The following ZNF730 variants were observed in gnomAD, a reference collection of about 807,000 sequenced individuals.
ZNF730 encodes zinc finger protein 730.
In ZNF730, 12 loss-of-function variants were observed where a neutral mutation model predicts 12.6. That is an observed-to-expected ratio of 0.95 (90% CI 0.61 to 1.54). The LOEUF is 1.54. ZNF730 is among the 40% of genes most tolerant of loss of function. ZNF730 has a pLI of 0.00. For synonymous variants in ZNF730, 194 were observed against 195.8 expected (o/e 0.99, Z 0.08); for missense variants, 643 against 583.5 (o/e 1.10, Z -1.05).
intron 1 of ZNF730, among the ~76,000 whole-genome samples, chr19:23,082,736 T>C (rs940609991): frequency 4.7e-5 from 7 of 149,236 alleles, no homozygotes; most frequent in Non-Finnish European, 1.0e-4. Flanking sequence ...AATCTCGCTC[T>C]TGTTACCCAG....
chr19:23,137,829 T>C (rs1478555147), intron 3 of ZNF730, among the ~76,000 whole-genome samples: 1 of 152,230 alleles, frequency 6.6e-6, no homozygotes, highest in African/African-American at 2.4e-5. Context: ...GGTCCAACTT[T>C]AGTTGACTTG....
chr19:23,146,133 T>C lies in ZNF730; in HGVS notation c.1089T>C (p.Thr363=). Residue 363 remains threonine (T), a synonymous_variant, in exon 4 of 4, where the codon ACT becomes ACC. Coordinates refer to ENST00000597761, the MANE Select transcript of ZNF730 (RefSeq NM_001277403.2). ...STLNRHKITH[T]GGKPYKYKEC... ...TTAATAGACATAAGATAACTCATACTGGAGGGAAACCCTACAAATATAAAG... is the reference window on the plus strand; with the variant it reads ...TTAATAGACATAAGATAACTCATACCGGAGGGAAACCCTACAAATATAAAG... 6.2e-7 allele frequency: 1 copy of C among 1,609,388 alleles called. No individual in the cohort carries two copies. Among genetic ancestry groups the C allele is most frequent in the Non-Finnish European group, 8.5e-7 (1 of 1,177,502 alleles).
rs1402351940 is a variant in ZNF730, at chr19:23,146,588, A to G, written c.*32A>G. The G allele has an allele frequency of 1.3e-6, 2 of 1,585,024 alleles. No homozygotes were observed. Among genetic ancestry groups the G allele is most frequent in the African/African-American group, 2.7e-5 (2 of 73,912 alleles). ...AAAGACTGTGGCAAAGCTTTTAAAC[A>G]ATCTTTATACCTTACTACACATAAG... On this transcript the variant is annotated 3_prime_UTR_variant, in exon 4 of 4. Coordinates refer to ENST00000597761, the MANE Select transcript of ZNF730 (RefSeq NM_001277403.2).
At chr19:23,114,305 C>CTTTTTTTTTTTTTTTTTTTTTTT (rs869304180), upstream of ZNF730, among the ~76,000 whole-genome samples, 2 of 103,508 alleles carry the variant, frequency 1.9e-5, 1 homozygote, top group African/African-American at 7.1e-5. Flanking sequence ...TTTTTCTTTT[C>CTTTTTTTTTTTTTTTTTTTTTTT]TTTTTTTTTT....
intron 3 of ZNF730, among the ~76,000 whole-genome samples, chr19:23,140,008 G>A (rs747673304): frequency 2.0e-5 from 3 of 152,012 alleles, no homozygotes; most frequent in African/African-American, 4.8e-5. Flanking sequence ...GTACATATAA[G>A]TCAATGTGGG....
chr19:23,098,973 G>A (rs1970295731), intron 1 of ZNF730, among the ~76,000 whole-genome samples: 1 of 152,130 alleles, frequency 6.6e-6, no homozygotes, highest in South Asian at 2.1e-4. Context: ...TAATACTCTC[G>A]CATATTGTAT....
At position 23,146,688 on chromosome 19, in the gene ZNF730, TAAACATAA is replaced by T; in HGVS notation, c.*133_*140del. 6.8e-7 allele frequency: 1 copy of T among 1,476,844 alleles called. No homozygotes were observed. The highest frequency in any genetic ancestry group is 1.1e-5 in the South Asian group (1 of 88,074). 91.5% of individuals were successfully genotyped at this position (1,476,844 alleles called of 1,614,324 possible). On this transcript the variant is annotated 3_prime_UTR_variant, in exon 4 of 4. Coordinates refer to ENST00000597761, the MANE Select transcript of ZNF730 (RefSeq NM_001277403.2). ...CTTTTAACCAGTCCTCAAATCTTAC[TAAACATAA>T]GGTAATTCATACTGGAGAAAAACCT...
chr19:23,108,747 T>C (rs1970425086), intron 1 of ZNF730, among the ~76,000 whole-genome samples: 1 of 149,758 alleles, frequency 6.7e-6, no homozygotes, highest in East Asian at 1.9e-4. Context: ...CTTTTTTTTT[T>C]GTTTGTTTGT....
chr19:23,089,682 A>G (rs1232543295), intron 1 of ZNF730, among the ~76,000 whole-genome samples: 1 of 152,214 alleles, frequency 6.6e-6, no homozygotes, highest in Admixed American at 6.5e-5. Context: ...TGTAAGTCCA[A>G]TTAAACCGCT....
At chr19:23,134,487 CCCCG>C (rs923092045) in intron 2 of ZNF730, among the ~76,000 whole-genome samples, 6 of 146,658 alleles carry the variant, frequency 4.1e-5, no homozygotes, top group Non-Finnish European at 9.0e-5. Context: ...GGGGCCAGCC[CCCCG>C]CCCGGCCGGC....
At chr19:23,102,363 G>T (rs1232780634) in intron 1 of ZNF730, among the ~76,000 whole-genome samples, 1 of 152,130 alleles carries the variant, frequency 6.6e-6, no homozygotes, top group Non-Finnish European at 1.5e-5. Context: ...CTTCAGAAAA[G>T]ATTGTGATGT....
intron 3 of ZNF730, 116 bp from the exon 4 acceptor site, chr19:23,145,155 C>T: frequency 3.0e-6 from 2 of 672,520 alleles, no homozygotes; most frequent in Non-Finnish European, 4.5e-6. Context: ...GAAATTAGGG[C>T]CTGTGGTATT....
intron 1 of ZNF730, among the ~76,000 whole-genome samples, chr19:23,087,106 A>C (rs2963070): frequency 1.3e-5 from 2 of 151,914 alleles, no homozygotes; most frequent in African/African-American, 4.8e-5. Context: ...CATTAATGTA[A>C]AAAAATGCTA....
rs1166351424 is a variant in ZNF730, at chr19:23,146,196, T to C, written c.1152T>C (p.Thr384=). ...CTTTTAACCAATCCTCAACTCTTACTATACATAAGATAATTCATACTGTAG... is the reference window on the plus strand; with the variant it reads ...CTTTTAACCAATCCTCAACTCTTACCATACATAAGATAATTCATACTGTAG... ...GKAFNQSSTL[T]IHKIIHTVEK... The change falls in exon 4 of 4, where the codon ACT becomes ACC. Residue 384 remains threonine (T), a synonymous_variant. Transcript: ENST00000597761. 1 of 1,609,658 alleles carries C rather than the reference T, an allele frequency of 6.2e-7. No homozygotes were observed. The highest frequency in any genetic ancestry group is 1.3e-5 in the African/African-American group (1 of 74,810).
intron 1 of ZNF730, among the ~76,000 whole-genome samples, chr19:23,097,504 C>T (rs903655497): frequency 6.6e-6 from 1 of 152,090 alleles, no homozygotes; most frequent in Non-Finnish European, 1.5e-5. Context: ...GGCCTGGCCC[C>T]GCCTTCAAAA....
At chr19:23,093,634 G>A (rs985693652) in intron 1 of ZNF730, among the ~76,000 whole-genome samples, 43 of 152,136 alleles carry the variant, frequency 2.8e-4, no homozygotes, top group African/African-American at 1.0e-3. Context: ...GTCTGGGGAT[G>A]TGGCCCAGCA....
chr19:23,115,573 T>A (rs1351870926), upstream of ZNF730, among the ~76,000 whole-genome samples: 1 of 152,214 alleles, frequency 6.6e-6, no homozygotes, highest in Non-Finnish European at 1.5e-5. Flanking sequence ...TCTGCTTTTC[T>A]TTCAGAATGC....
At chr19:23,094,239 C>G (rs1488849856) in intron 1 of ZNF730, among the ~76,000 whole-genome samples, 4 of 150,746 alleles carry the variant, frequency 2.7e-5, no homozygotes, top group African/African-American at 7.3e-5. Flanking sequence ...CTCTGTTATG[C>G]TCCTTCCTGC....
rs566868913 is a variant in ZNF730, at chr19:23,106,770, A to G, written c.-93-27310A>G. Reference sequence around the variant, plus strand: ...GTGCCATTGCACTCCAGCCTGGGCCACGAGAGCGAGAACTGCGTCTCAAAA... The same window carrying G: ...GTGCCATTGCACTCCAGCCTGGGCCGCGAGAGCGAGAACTGCGTCTCAAAA... On this transcript the variant is annotated intron_variant, in intron 1 of 2. Transcript: ENST00000593635. Among the ~76,000 whole-genome samples, 4 of 150,844 alleles carry G rather than the reference A, an allele frequency of 2.7e-5. No homozygotes were observed. In the East Asian group the frequency reaches 7.8e-4, roughly 29 times the overall value.
Sources: gnomAD v4.1 joint callset for allele counts (sites outside exome capture counted in the v4.1 genomes callset) on GRCh38, gnomAD v4.1.1 for gene constraint, MANE v1.5 for transcripts, NCBI Gene and HGNC (gene_info 2026-07-23, HGNC 2026-07-21) for gene names.